Variants in PSEN1 observed in about 807,000 individuals in gnomAD.
PSEN1 encodes the protein presenilin 1.
A neutral mutation model predicts 53.5 loss-of-function variants in PSEN1; 15 were observed. That is an observed-to-expected ratio of 0.28 (90% CI 0.19 to 0.43). The LOEUF is 0.43. Ranked by LOEUF, PSEN1 falls within the 20% of genes least tolerant of loss-of-function variation. The probability of loss-of-function intolerance (pLI) is 1.00; values close to 1 mark genes in which losing one functional copy is unlikely to be tolerated. For synonymous variants in PSEN1, 208 were observed against 209.8 expected (o/e 0.99, Z 0.08); for missense variants, 387 against 571.2 (o/e 0.68, Z 3.29).
At chr14:73,154,470 G>A (rs2139993422) in intron 3 of PSEN1, among the ~76,000 whole-genome samples, 1 of 151,638 alleles carries the variant, frequency 6.6e-6, no homozygotes, top group Middle Eastern at 3.4e-3. Flanking sequence ...GTGTGGTAGT[G>A]TGCTTCTATG....
intron 9 of PSEN1, among the ~76,000 whole-genome samples, chr14:73,210,806 C>A (rs1899646067): frequency 6.6e-6 from 1 of 152,134 alleles, no homozygotes; most frequent in Non-Finnish European, 1.5e-5. Flanking sequence ...GGCAAATCTA[C>A]TTCTGCTCTG....
rs561715468 is a variant in PSEN1, at chr14:73,140,388, T to C, written c.-136+3805T>C. ...ACCACACTGGGCTAATTTTTGTATT[T>C]TTAGTAGAGGTGGGGTGTCACCATA... On this transcript the variant is annotated intron_variant, in intron 1 of 11. Transcript: ENST00000324501. 1.5e-3 allele frequency among the ~76,000 whole-genome samples: 228 copies of C among 151,766 alleles called. 2 individuals carry two copies. The highest frequency in any genetic ancestry group is 5.3e-3 in the African/African-American group (220 of 41,404).
chr14:73,149,453 G>A (rs1463659334), intron 3 of PSEN1, among the ~76,000 whole-genome samples: 2 of 152,136 alleles, frequency 1.3e-5, no homozygotes, highest in Non-Finnish European at 2.9e-5. Context: ...GGATTAGTCC[G>A]TGAATTCCGC....
Position 73,201,328 on chromosome 14 carries a change from C to G in PSEN1, c.868+3199C>G, listed in dbSNP as rs953326475. Among the ~76,000 whole-genome samples the G allele has an allele frequency of 4.6e-5, 7 of 152,114 alleles. No individual in the cohort carries two copies. The South Asian group carries it at 1.4e-3, about 31-fold the overall frequency. ...GTCTCGATCTCCTGACCTTGTGATCCGCCCGCCTCGGCCTCCCAAAGTGCT... is the reference window on the plus strand; with the variant it reads ...GTCTCGATCTCCTGACCTTGTGATCGGCCCGCCTCGGCCTCCCAAAGTGCT... On this transcript the variant is annotated intron_variant, in intron 8 of 11. Transcript: ENST00000324501.
chr14:73,148,616 A>G (rs1470939879), intron 3 of PSEN1, among the ~76,000 whole-genome samples: 3 of 152,132 alleles, frequency 2.0e-5, no homozygotes, highest in African/African-American at 4.8e-5. Flanking sequence ...TTTGACTGCA[A>G]CTCTACTAGC....
At chr14:73,191,622 ACACAGCCT>A (rs1181900193) in intron 6 of PSEN1, among the ~76,000 whole-genome samples, 5 of 151,872 alleles carry the variant, frequency 3.3e-5, no homozygotes, top group African/African-American at 1.2e-4. Flanking sequence ...ATCATAGCTC[ACACAGCCT>A]CTAACTCCCA....
At chr14:73,177,772 T>A (rs1304389576) in intron 5 of PSEN1, among the ~76,000 whole-genome samples, 1 of 152,182 alleles carries the variant, frequency 6.6e-6, no homozygotes. Context: ...TAATACATTG[T>A]TTTGTTCTGG....
intron 5 of PSEN1, among the ~76,000 whole-genome samples, chr14:73,177,897 C>T (rs1036636180): frequency 4.0e-5 from 6 of 151,476 alleles, no homozygotes; most frequent in African/African-American, 1.5e-4. Context: ...AGGTTTATGT[C>T]TTTTACCAAA....
intron 8 of PSEN1, among the ~76,000 whole-genome samples, chr14:73,200,922 A>G (rs1383640113): frequency 2.0e-5 from 3 of 151,978 alleles, no homozygotes; most frequent in African/African-American, 7.2e-5. Flanking sequence ...GTGGTGGTGC[A>G]CACTTGTAAT....
intron 11 of PSEN1, among the ~76,000 whole-genome samples, chr14:73,218,627 C>G (rs115882151): frequency 6.6e-6 from 1 of 151,658 alleles, no homozygotes; most frequent in African/African-American, 2.4e-5. Flanking sequence ...GGAGCCTGTG[C>G]GGGAAGAATG....
intron 10 of PSEN1, among the ~76,000 whole-genome samples, chr14:73,213,731 A>G (rs765039431): frequency 6.6e-6 from 1 of 152,240 alleles, no homozygotes; most frequent in South Asian, 2.1e-4. Flanking sequence ...AAATGTAAAA[A>G]TGATCTGTAA....
chr14:73,177,155 C>T (rs986757194), intron 5 of PSEN1, among the ~76,000 whole-genome samples: 4 of 152,244 alleles, frequency 2.6e-5, no homozygotes, highest in East Asian at 1.9e-4. Context: ...TGGACTTTTT[C>T]GTCTCTCCCA....
intron 3 of PSEN1, among the ~76,000 whole-genome samples, chr14:73,166,076 AAAAAT>A (rs763004238): frequency 2.0e-5 from 3 of 151,802 alleles, no homozygotes; most frequent in Non-Finnish European, 4.4e-5. Flanking sequence ...ATAATAAAAT[AAAAAT>A]AAAAGTAGTA....
chr14:73,216,818 A>G (rs1418075390), intron 10 of PSEN1, among the ~76,000 whole-genome samples: 1 of 152,138 alleles, frequency 6.6e-6, no homozygotes, highest in East Asian at 1.9e-4. Flanking sequence ...AATTCTTGTA[A>G]GGATTTCTTA....
At chr14:73,199,316 G>C (rs1899082275) in intron 8 of PSEN1, among the ~76,000 whole-genome samples, 1 of 152,226 alleles carries the variant, frequency 6.6e-6, no homozygotes, top group Non-Finnish European at 1.5e-5. Flanking sequence ...AGAAGAGGAA[G>C]ACAAGGGTCA....
intron 5 of PSEN1, among the ~76,000 whole-genome samples, 199 bp from the exon 6 acceptor site, chr14:73,186,654 G>A (rs113449244): frequency 2.0e-4 from 30 of 152,212 alleles, no homozygotes; most frequent in African/African-American, 6.7e-4. Flanking sequence ...GCGCGCACGC[G>A]TGGTTCCACC....
At chr14:73,178,430 C>T (rs534513313) in intron 5 of PSEN1, among the ~76,000 whole-genome samples, 62 of 152,028 alleles carry the variant, frequency 4.1e-4, no homozygotes, top group African/African-American at 1.4e-3. Flanking sequence ...TCAAGTGATC[C>T]GTCTGCCTCA....
chr14:73,216,922 C>T (rs1216240024), intron 10 of PSEN1, among the ~76,000 whole-genome samples: 1 of 152,138 alleles, frequency 6.6e-6, no homozygotes, highest in Non-Finnish European at 1.5e-5. Context: ...ACAGTTAAGA[C>T]TCCAGAGTCA....
chr14:73,167,813 G>T, intron 3 of PSEN1: 2 of 145,326 alleles, frequency 1.4e-5, no homozygotes, highest in African/African-American at 2.6e-5. Flanking sequence ...ACTCTCTATT[G>T]CAAGCCTCTT....
Sources: allele counts gnomAD v4.1 joint callset (sites outside exome capture counted in the v4.1 genomes callset), GRCh38; gene constraint gnomAD v4.1.1; transcripts MANE v1.5; gene names NCBI Gene and HGNC (gene_info 2026-07-23, HGNC 2026-07-21).